The following PLCXD3 variants were observed in gnomAD, a reference collection of about 807,000 sequenced individuals.
PLCXD3 encodes PI-PLC X domain-containing protein 3.
In PLCXD3, 19 loss-of-function variants were observed where a neutral mutation model predicts 25.5. That is an observed-to-expected ratio of 0.75 (90% confidence interval 0.52 to 1.09). The LOEUF is 1.09. Ranked by LOEUF, PLCXD3 falls within the 50% of genes least tolerant of loss-of-function variation. PLCXD3 has a pLI of 0.00. For synonymous variants in PLCXD3, 174 were observed against 137.6 expected (o/e 1.26, Z -1.85); for missense variants, 411 against 388.1 (o/e 1.06, Z -0.50).
At chr5:41,394,480 GA>G in intron 1 of PLCXD3, among the ~76,000 whole-genome samples, 1 of 152,192 alleles carries the variant, frequency 6.6e-6, no homozygotes, top group South Asian at 2.1e-4. Flanking sequence ...TAATAACATT[GA>G]ATGTAAATAG....
Position 41,312,253 on chromosome 5 carries a change from C to G in PLCXD3, c.*1364G>C, listed in dbSNP as rs937983920. 1 of 152,466 alleles carries G rather than the reference C, an allele frequency of 6.6e-6. No homozygotes were observed. Among genetic ancestry groups the G allele is most frequent in the African/African-American group, 2.4e-5 (1 of 41,394 alleles). 9.4% of individuals were successfully genotyped at this position (152,466 alleles called of 1,614,324 possible). On this transcript the variant is annotated 3_prime_UTR_variant, in exon 3 of 3. Coordinates refer to ENST00000377801, the MANE Select transcript of PLCXD3 (RefSeq NM_001005473.3). The stretch of plus-strand genomic sequence containing the variant: ...TTTTGCCTCTGCCTTAATCTCATCC[C>G]TCGGATAGGATGAAACTCAGAAGTG...
At chr5:41,339,570 A>G (rs1744080598) in intron 2 of PLCXD3, among the ~76,000 whole-genome samples, 1 of 152,246 alleles carries the variant, frequency 6.6e-6, no homozygotes, top group African/African-American at 2.4e-5. Flanking sequence ...CAGGGTGACA[A>G]AATGACAGTA....
chr5:41,356,592 G>A (rs1179038728), intron 2 of PLCXD3, among the ~76,000 whole-genome samples: 1 of 152,044 alleles, frequency 6.6e-6, no homozygotes, highest in Non-Finnish European at 1.5e-5. Flanking sequence ...AAAATATGTG[G>A]ATCCCTGTTT....
At position 41,389,534 on chromosome 5, in the gene PLCXD3, T is replaced by C. The variant is rs570719016; in HGVS notation, c.104-7000A>G. Among the ~76,000 whole-genome samples, 5 of 152,244 alleles carry C rather than the reference T, an allele frequency of 3.3e-5. No individual in the cohort carries two copies. The South Asian group carries it at 6.2e-4, about 19-fold the overall frequency. On this transcript the variant is annotated intron_variant, in intron 1 of 2. Coordinates refer to ENST00000377801, the MANE Select transcript of PLCXD3 (RefSeq NM_001005473.3). ...AACATGAGAAGAGCCTCTGTGCATATAGGCAAAGATAACCAACTGTAGCTA... is the reference window on the plus strand; with the variant it reads ...AACATGAGAAGAGCCTCTGTGCATACAGGCAAAGATAACCAACTGTAGCTA...
intron 1 of PLCXD3, among the ~76,000 whole-genome samples, chr5:41,392,271 T>C (rs1369619582): frequency 3.3e-5 from 5 of 152,168 alleles, no homozygotes; most frequent in African/African-American, 4.8e-5. Flanking sequence ...ACAGTCATAA[T>C]TGTGGTTGCC....
intron 1 of PLCXD3, among the ~76,000 whole-genome samples, chr5:41,508,121 C>G (rs1025661875): frequency 6.6e-6 from 1 of 152,120 alleles, no homozygotes; most frequent in Non-Finnish European, 1.5e-5. Flanking sequence ...GAAGGGGAAG[C>G]TTTACAGGAG....
chr5:41,493,961 C>A (rs1009433309), intron 1 of PLCXD3, among the ~76,000 whole-genome samples: 1 of 152,234 alleles, frequency 6.6e-6, no homozygotes, highest in Non-Finnish European at 1.5e-5. Context: ...CGCCCACTGT[C>A]TGGCACTCCC....
chr5:41,361,927 G>A lies in PLCXD3; in HGVS notation c.812+19899C>T, dbSNP rs1744791396. Among the ~76,000 whole-genome samples, 3 of 152,118 alleles carry A rather than the reference G, an allele frequency of 2.0e-5. No homozygotes were observed. The South Asian group carries it at 6.2e-4, about 32-fold the overall frequency. Reference sequence around the variant, plus strand: ...AGTTAAAAACAAAACTAGAGATATAGAAAGTGGCTCTTTGGGCAGGCCACC... The same window carrying A: ...AGTTAAAAACAAAACTAGAGATATAAAAAGTGGCTCTTTGGGCAGGCCACC... On this transcript the variant is annotated intron_variant, in intron 2 of 2. Coordinates refer to ENST00000377801, the MANE Select transcript of PLCXD3 (RefSeq NM_001005473.3).
At chr5:41,496,944 T>C (rs1748853479) in intron 1 of PLCXD3, among the ~76,000 whole-genome samples, 1 of 151,452 alleles carries the variant, frequency 6.6e-6, no homozygotes, top group Admixed American at 6.6e-5. Flanking sequence ...TAACATAAAG[T>C]ATGTGGAGGG....
intron 1 of PLCXD3, among the ~76,000 whole-genome samples, chr5:41,395,631 T>C (rs1300514415): frequency 1.3e-5 from 2 of 152,080 alleles, no homozygotes; most frequent in African/African-American, 4.8e-5. Flanking sequence ...AACATTATAA[T>C]TGATACTGCA....
chr5:41,466,409 AATT>A (rs1488869161), intron 1 of PLCXD3, among the ~76,000 whole-genome samples: 1 of 152,038 alleles, frequency 6.6e-6, no homozygotes, highest in African/African-American at 2.4e-5. Context: ...TTATTTAAAA[AATT>A]ATTATTTTAT....
chr5:41,393,409 A>T (rs950220474), intron 1 of PLCXD3, among the ~76,000 whole-genome samples: 3 of 152,188 alleles, frequency 2.0e-5, no homozygotes, highest in African/African-American at 7.2e-5. Flanking sequence ...AAAGTGGCAT[A>T]ACATATTTAA....
chr5:41,371,716 T>C (rs1445355646), intron 2 of PLCXD3, among the ~76,000 whole-genome samples: 4 of 152,172 alleles, frequency 2.6e-5, no homozygotes, highest in Non-Finnish European at 5.9e-5. Context: ...TGGGGATCTT[T>C]GGCTAAAGGA....
rs1561240379 is a variant in PLCXD3 at position 41,347,287 on chromosome 5, G to GA, written c.813-33518dup. On this transcript the variant is annotated intron_variant, in intron 2 of 2. Coordinates refer to ENST00000377801, the MANE Select transcript of PLCXD3 (RefSeq NM_001005473.3). ...GAGATGCCTCAGCACAGTAAAGTTA[G>GA]AAAAAATTAGAAAAAAATTCTTTAC... Among the ~76,000 whole-genome samples, 6 of 152,102 alleles carry GA rather than the reference G, an allele frequency of 3.9e-5. No homozygotes were observed. The East Asian group carries it at 1.2e-3, about 29-fold the overall frequency.
chr5:41,419,456 T>C (rs1408734570), intron 1 of PLCXD3, among the ~76,000 whole-genome samples: 1 of 152,178 alleles, frequency 6.6e-6, no homozygotes, highest in Non-Finnish European at 1.5e-5. Flanking sequence ...CAACATATCA[T>C]ATAGCAAGTC....
chr5:41,481,268 T>C (rs1748410007), intron 1 of PLCXD3, among the ~76,000 whole-genome samples: 1 of 152,216 alleles, frequency 6.6e-6, no homozygotes, highest in Admixed American at 6.5e-5. Flanking sequence ...AGAGTTGTTA[T>C]AAGTATTAGA....
intron 2 of PLCXD3, among the ~76,000 whole-genome samples, chr5:41,380,900 C>T (rs1416122351): frequency 2.0e-5 from 3 of 152,106 alleles, no homozygotes; most frequent in African/African-American, 7.2e-5. Context: ...TGTGATTGCT[C>T]AAATTATACC....
chr5:41,337,314 G>T (rs545955510), intron 2 of PLCXD3, among the ~76,000 whole-genome samples: 1 of 152,102 alleles, frequency 6.6e-6, no homozygotes, highest in Admixed American at 6.6e-5. Flanking sequence ...ATATATAAAA[G>T]GCTCAGAAAA....
rs547024429 is a variant in PLCXD3 at position 41,460,992 on chromosome 5, T to C, written c.103+49432A>G. 1.7e-4 allele frequency among the ~76,000 whole-genome samples: 26 copies of C among 151,760 alleles called. No individual in the cohort carries two copies. The South Asian group carries it at 5.2e-3, about 30-fold the overall frequency. ...AATCAACAATACATTCAGAATATTC[T>C]CAGTAGTGTTGAATCTTTGTCTTGC... On this transcript the variant is annotated intron_variant, in intron 1 of 2. Coordinates refer to ENST00000377801, the MANE Select transcript of PLCXD3 (RefSeq NM_001005473.3).
Sources: allele counts gnomAD v4.1 joint callset (sites outside exome capture counted in the v4.1 genomes callset), GRCh38; gene constraint gnomAD v4.1.1; transcripts MANE v1.5; gene names NCBI Gene and HGNC (gene_info 2026-07-23, HGNC 2026-07-21).